The following DCC variants were observed in gnomAD, a reference collection of about 807,000 sequenced individuals.
DCC encodes the protein netrin receptor DCC.
A neutral mutation model predicts 172.5 loss-of-function variants in DCC; 58 were observed. The ratio of observed to expected loss-of-function variants is 0.34; its 90% CI spans 0.27 to 0.42. The LOEUF (loss-of-function observed/expected upper bound fraction) is 0.42. DCC is among the 10% of genes least tolerant of loss of function. The pLI, the probability that DCC is intolerant of heterozygous loss-of-function variation, is 1.00. For synonymous variants in DCC, 709 were observed against 644.5 expected (o/e 1.10, Z -1.52); for missense variants, 1,740 against 1,791.0 (o/e 0.97, Z 0.51).
intron 1 of DCC, among the ~76,000 whole-genome samples, chr18:52,697,906 A>T (rs1236378548): frequency 6.6e-6 from 1 of 152,152 alleles, no homozygotes; most frequent in East Asian, 1.9e-4. Flanking sequence ...TTTCTTCATT[A>T]TCATTAAAGG....
At chr18:52,709,286 C>T (rs2036258218) in intron 1 of DCC, among the ~76,000 whole-genome samples, 1 of 152,178 alleles carries the variant, frequency 6.6e-6, no homozygotes, top group Non-Finnish European at 1.5e-5. Flanking sequence ...TGTTCTAACA[C>T]ATCATGCTAC....
At chr18:53,043,166 A>G (rs956371788) in intron 5 of DCC, among the ~76,000 whole-genome samples, 1 of 151,942 alleles carries the variant, frequency 6.6e-6, no homozygotes, top group Non-Finnish European at 1.5e-5. Flanking sequence ...TGCCCTTTAC[A>G]AGGACATGGA....
intron 7 of DCC, among the ~76,000 whole-genome samples, chr18:53,149,776 C>T (rs1004197857): frequency 1.3e-5 from 2 of 152,264 alleles, no homozygotes; most frequent in South Asian, 4.1e-4. Context: ...CTATAGTTAT[C>T]GTTGCTGAGA....
intron 7 of DCC, among the ~76,000 whole-genome samples, chr18:53,099,041 T>C (rs1049394854): frequency 6.6e-6 from 1 of 152,072 alleles, no homozygotes; most frequent in Admixed American, 6.6e-5. Context: ...GTAATTTGTA[T>C]TCTGTAGAGA....
intron 27 of DCC, among the ~76,000 whole-genome samples, chr18:53,510,012 C>G (rs2046230999): frequency 6.6e-6 from 1 of 152,168 alleles, no homozygotes; most frequent in Non-Finnish European, 1.5e-5. Flanking sequence ...ATTTGTCCTT[C>G]TTCTGCAACA....
chr18:52,432,751 A>C (rs1987667777), intron 1 of DCC, among the ~76,000 whole-genome samples: 1 of 152,202 alleles, frequency 6.6e-6, no homozygotes, highest in South Asian at 2.1e-4. Context: ...TCACTCTTTT[A>C]TGTTTAAGCT....
chr18:53,269,929 G>C (rs1212049229), intron 12 of DCC, among the ~76,000 whole-genome samples: 2 of 152,100 alleles, frequency 1.3e-5, no homozygotes, highest in Non-Finnish European at 2.9e-5. Context: ...ATTAAGGCTT[G>C]GAATGTTGAC....
chr18:53,462,255 G>C (rs1257950064), intron 24 of DCC, among the ~76,000 whole-genome samples: 2 of 152,116 alleles, frequency 1.3e-5, no homozygotes, highest in Non-Finnish European at 2.9e-5. Flanking sequence ...CACACAGCAG[G>C]AGGTGAGCAA....
chr18:52,925,969 T>C, intron 5 of DCC, among the ~76,000 whole-genome samples: 1 of 151,838 alleles, frequency 6.6e-6, no homozygotes, highest in East Asian at 1.9e-4. Context: ...ATAATTCTTC[T>C]ACATGGCAGT....
intron 5 of DCC, among the ~76,000 whole-genome samples, chr18:53,051,485 A>G (rs943799619): frequency 6.6e-6 from 1 of 152,042 alleles, no homozygotes; most frequent in Admixed American, 6.6e-5. Context: ...CATACCACCA[A>G]TTATTTTACT....
At chr18:52,648,673 C>T (rs4407153) in intron 1 of DCC, among the ~76,000 whole-genome samples, 144,435 of 152,216 alleles carry the variant, frequency 0.95, 69,024 homozygotes, top group East Asian at 1. Context: ...GTGCCCAATC[C>T]GAGGTCTATT....
intron 1 of DCC, among the ~76,000 whole-genome samples, chr18:52,556,163 A>G (rs2032908699): frequency 6.6e-6 from 1 of 152,168 alleles, no homozygotes; most frequent in Non-Finnish European, 1.5e-5. Context: ...CATTCCTCAT[A>G]GAAATCGCTA....
chr18:52,768,306 A>G (rs910069810), intron 2 of DCC, among the ~76,000 whole-genome samples: 11 of 152,190 alleles, frequency 7.2e-5, no homozygotes, highest in African/African-American at 2.4e-4. Context: ...TATAATGAGT[A>G]ACCTTTTCAC....
intron 19 of DCC, among the ~76,000 whole-genome samples, chr18:53,407,372 A>G (rs933589852): frequency 6.6e-6 from 1 of 151,508 alleles, no homozygotes. Context: ...GGAATAAAAA[A>G]GTAATAAGAT....
intron 25 of DCC, among the ~76,000 whole-genome samples, chr18:53,478,533 A>C (rs2045794267): frequency 6.6e-6 from 1 of 152,054 alleles, no homozygotes. Context: ...TTTGTCACTT[A>C]CCTTTCTCTG....
chr18:53,266,011 T>C (rs772882361), intron 12 of DCC, among the ~76,000 whole-genome samples: 3 of 152,178 alleles, frequency 2.0e-5, no homozygotes, highest in Non-Finnish European at 4.4e-5. Context: ...TGTGGACATA[T>C]CATGAAAGTT....
intron 2 of DCC, among the ~76,000 whole-genome samples, chr18:52,802,426 C>A (rs1466810617): frequency 6.6e-6 from 1 of 151,350 alleles, no homozygotes; most frequent in Non-Finnish European, 1.5e-5. Flanking sequence ...ACAGGGTTAG[C>A]CATGCCAACC....
At chr18:52,850,374 A>C (rs1283453438) in intron 2 of DCC, among the ~76,000 whole-genome samples, 1 of 152,146 alleles carries the variant, frequency 6.6e-6, no homozygotes, top group African/African-American at 2.4e-5. Context: ...TATGCATTGA[A>C]GTCTCTCCCC....
chr18:53,347,894 C>G (rs536646946), intron 15 of DCC, among the ~76,000 whole-genome samples: 1 of 152,090 alleles, frequency 6.6e-6, no homozygotes, highest in African/African-American at 2.4e-5. Context: ...AAGACCTGTT[C>G]CTATAATTCA....
Sources: gnomAD v4.1 joint callset for allele counts (sites outside exome capture counted in the v4.1 genomes callset) on GRCh38, gnomAD v4.1.1 for gene constraint, MANE v1.5 for transcripts, NCBI Gene and HGNC (gene_info 2026-07-23, HGNC 2026-07-21) for gene names.